The following ME3 variants were observed in gnomAD, a reference collection of about 807,000 sequenced individuals.
ME3 encodes malic enzyme 3, also known as NADP-dependent malic enzyme, mitochondrial.
In ME3, 48 loss-of-function variants were observed where a neutral mutation model predicts 68.9. The ratio of observed to expected loss-of-function variants is 0.70; its 90% confidence interval spans 0.55 to 0.89. The LOEUF (loss-of-function observed/expected upper bound fraction) is 0.89, where lower values mean the gene tolerates loss of function less well. Ranked by LOEUF, ME3 falls within the 40% of genes least tolerant of loss-of-function variation. The pLI, the probability that ME3 is intolerant of heterozygous loss-of-function variation, is 0.00. For synonymous variants in ME3, 320 were observed against 318.8 expected, an observed-to-expected ratio of 1.00 and a Z score of -0.04; for missense variants, 675 against 797.4, an observed-to-expected ratio of 0.85 and a Z score of 1.85.
At chr11:86,467,472 C>T (rs998557803) in intron 7 of ME3, among the ~76,000 whole-genome samples, 4 of 152,098 alleles carry the variant, frequency 2.6e-5, no homozygotes, top group African/African-American at 7.2e-5. Flanking sequence ...TTGTGAATTT[C>T]AAGTATTTGG....
chr11:86,637,964 G>GCACACACACACACACA (rs1479767533), intron 2 of ME3, among the ~76,000 whole-genome samples: 2 of 70,686 alleles, frequency 2.8e-5, no homozygotes, highest in African/African-American at 1.3e-4. Flanking sequence ...ACATGCTCAT[G>GCACACACACACACACA]CATACACACA....
At chr11:86,486,773 G>A (rs1951715310) in intron 7 of ME3, among the ~76,000 whole-genome samples, 3 of 152,178 alleles carry the variant, frequency 2.0e-5, no homozygotes, top group Non-Finnish European at 1.5e-5. Flanking sequence ...GGGTGGCCAC[G>A]ATGGCAGACA....
chr11:86,602,342 C>A (rs935121897), intron 2 of ME3, among the ~76,000 whole-genome samples: 3 of 151,568 alleles, frequency 2.0e-5, no homozygotes, highest in Admixed American at 6.6e-5. Context: ...CGTGAGTCAA[C>A]TCCCATTCAC....
intron 2 of ME3, among the ~76,000 whole-genome samples, chr11:86,657,117 G>GGT (rs1945943079): frequency 6.6e-6 from 1 of 152,026 alleles, no homozygotes; most frequent in African/African-American, 2.4e-5. Flanking sequence ...CCCATTACTG[G>GGT]GTATATACTC....
intron 2 of ME3, among the ~76,000 whole-genome samples, chr11:86,631,238 A>G (rs1044214841): frequency 6.6e-6 from 1 of 152,244 alleles, no homozygotes; most frequent in African/African-American, 2.4e-5. Context: ...TGGACTGAAC[A>G]CAGGGATTTC....
chr11:86,567,209 C>T (rs1032803677), intron 2 of ME3, among the ~76,000 whole-genome samples: 4 of 136,696 alleles, frequency 2.9e-5, no homozygotes, highest in African/African-American at 1.0e-4. Flanking sequence ...AAGAGTGAAA[C>T]TCTGTCAGAA....
At chr11:86,595,247 G>A (rs188582106) in intron 2 of ME3, among the ~76,000 whole-genome samples, 10 of 141,998 alleles carry the variant, frequency 7.0e-5, no homozygotes, top group African/African-American at 2.6e-4. Flanking sequence ...TTTATCACAT[G>A]TTAGAAATTT....
At chr11:86,617,445 A>G (rs374255978) in intron 2 of ME3, among the ~76,000 whole-genome samples, 9 of 152,142 alleles carry the variant, frequency 5.9e-5, no homozygotes, top group East Asian at 1.9e-4. Context: ...ATGATAACTG[A>G]TGTGGGCTTT....
intron 8 of ME3, among the ~76,000 whole-genome samples, chr11:86,450,634 G>A (rs1316780612): frequency 6.6e-6 from 1 of 152,154 alleles, no homozygotes; most frequent in African/African-American, 2.4e-5. Context: ...CCATAAGATG[G>A]GATCAGATAG....
intron 8 of ME3, among the ~76,000 whole-genome samples, chr11:86,460,633 G>A (rs183217854): frequency 2.5e-4 from 38 of 152,302 alleles, no homozygotes; most frequent in Admixed American, 2.2e-3. Flanking sequence ...CAGCTCCCAC[G>A]TGTGGTGTGA....
intron 2 of ME3, among the ~76,000 whole-genome samples, chr11:86,663,809 G>C (rs1207394108): frequency 6.6e-6 from 1 of 152,228 alleles, no homozygotes; most frequent in Non-Finnish European, 1.5e-5. Context: ...AGGGAGACTA[G>C]AGATGAGCCT....
intron 7 of ME3, among the ~76,000 whole-genome samples, chr11:86,480,608 C>T (rs564982188): frequency 6.6e-6 from 1 of 152,352 alleles, no homozygotes; most frequent in South Asian, 2.1e-4. Context: ...TCAGGCCCAA[C>T]ATGTGCCTGC....
intron 2 of ME3, among the ~76,000 whole-genome samples, chr11:86,591,383 G>A (rs999836713): frequency 6.6e-6 from 1 of 152,220 alleles, no homozygotes; most frequent in Non-Finnish European, 1.5e-5. Flanking sequence ...TAAAAAGGCA[G>A]TGGCATTAAA....
At chr11:86,569,341 G>A (rs983689250) in intron 2 of ME3, among the ~76,000 whole-genome samples, 1 of 152,130 alleles carries the variant, frequency 6.6e-6, no homozygotes, top group Non-Finnish European at 1.5e-5. Flanking sequence ...TGGCTGTTGC[G>A]CTTTGACTCA....
In ME3 at chr11:86,641,042, G is replaced by T. The variant is rs896167714; in HGVS notation, c.183+30720C>A. ...AACCTGCTCTCAATTTCACTGGGGG[G>T]GGGGGTCAATGAAGGGCATATGTGA... is the stretch of plus-strand genomic sequence containing the variant. On this transcript the variant is annotated intron_variant, in intron 2 of 14. Transcript: ENST00000543262. Among the ~76,000 whole-genome samples, 178 of 151,306 alleles carry T rather than the reference G, an allele frequency of 1.2e-3. 3 individuals are homozygous for T. The highest frequency in any genetic ancestry group is 4.2e-3 in the African/African-American group (172 of 41,142).
intron 2 of ME3, among the ~76,000 whole-genome samples, chr11:86,660,426 C>T (rs1009776660): frequency 2.6e-5 from 4 of 152,220 alleles, no homozygotes; most frequent in African/African-American, 9.6e-5. Context: ...ATCTGCTTTA[C>T]ATACATTACT....
chr11:86,448,904 C>T (rs916350614), intron 10 of ME3, among the ~76,000 whole-genome samples: 1 of 152,082 alleles, frequency 6.6e-6, no homozygotes. Context: ...TTGAGAGCTC[C>T]TTGGCTAGGG....
At chr11:86,498,122 G>C in exon 6 of ME3, 1 of 1,608,532 alleles carries the variant, frequency 6.2e-7, no homozygotes, top group Non-Finnish European at 8.5e-7. Context: ...TCACCACCAC[G>C]GCCTGAAAAA....
intron 7 of ME3, among the ~76,000 whole-genome samples, chr11:86,484,496 C>T (rs1266626720): frequency 6.6e-6 from 1 of 152,186 alleles, no homozygotes; most frequent in African/African-American, 2.4e-5. Context: ...TGTTGGCTGA[C>T]GCATGCCCCT....
Sources: gnomAD v4.1 joint callset for allele counts (sites outside exome capture counted in the v4.1 genomes callset) on GRCh38, gnomAD v4.1.1 for gene constraint, MANE v1.5 for transcripts, NCBI Gene and HGNC (gene_info 2026-07-23, HGNC 2026-07-21) for gene names.